The following CD8B variants were observed in gnomAD, a reference collection of about 807,000 sequenced individuals.
CD8B encodes T-cell surface glycoprotein CD8 beta chain.
CD8B carries 6 observed loss-of-function variants against 24.2 expected under a neutral mutation model. The observed-to-expected ratio is 0.25, with a 90% CI of 0.14 to 0.49. CD8B has a LOEUF of 0.49. Ranked by LOEUF, CD8B falls within the 20% of genes least tolerant of loss-of-function variation. The pLI, the probability that CD8B is intolerant of heterozygous loss-of-function variation, is 0.98. For missense variants in CD8B, 196 were observed against 271.3 expected, an observed-to-expected ratio of 0.72 and a Z score of 1.95; for synonymous variants, 84 against 108.3, an observed-to-expected ratio of 0.78 and a Z score of 1.39.
In CD8B at chr2:86,839,436, CAA is replaced by C. The variant is rs1675315545; in HGVS notation, c.*2869_*2870del. 1.3e-5 allele frequency among the ~76,000 whole-genome samples: 2 copies of C among 152,214 alleles called. No homozygotes were observed. The highest frequency in any genetic ancestry group is 4.8e-5 in the African/African-American group (2 of 41,452). ...AATGCCAACAAGTGGAATTGCTAGT[CAA>C]AAGATAGCTGGATGGAGTTTGGGGG... On this transcript the variant is annotated 3_prime_UTR_variant, in exon 6 of 6. Transcript: ENST00000390655.
rs1014292166 is a variant in CD8B, at chr2:86,838,485, A to C, written c.*3822T>G. 1.4e-5 allele frequency among the ~76,000 whole-genome samples: 2 copies of C among 145,880 alleles called. No individual in the cohort carries two copies. Among genetic ancestry groups the C allele is most frequent in the African/African-American group, 4.9e-5 (2 of 40,418 alleles). On this transcript the variant is annotated 3_prime_UTR_variant, in exon 6 of 6. Coordinates refer to ENST00000390655, the MANE Select transcript of CD8B (RefSeq NM_004931.5). Reference sequence around the variant, plus strand: ...TTTAAAAAATATGGGAAGAAAAAAAAACAAGAAACTTTTTAGAAAAAATTT... The same window carrying C: ...TTTAAAAAATATGGGAAGAAAAAAACACAAGAAACTTTTTAGAAAAAATTT...
chr2:86,831,434 G>A (rs1040046191), intron 5 of CD8B, among the ~76,000 whole-genome samples: 2 of 152,194 alleles, frequency 1.3e-5, no homozygotes, highest in African/African-American at 4.8e-5. Flanking sequence ...TGTTCAAATG[G>A]AGTCTATTCA....
At chr2:86,825,987 G>A (rs1259596742) in intron 5 of CD8B, among the ~76,000 whole-genome samples, 2 of 152,094 alleles carry the variant, frequency 1.3e-5, no homozygotes, top group Admixed American at 1.3e-4. Flanking sequence ...GGAGCTCTCG[G>A]GGGGAAAACA....
At chr2:86,821,803 C>A in intron 5 of CD8B, 2 of 382,688 alleles carry the variant, frequency 5.2e-6, no homozygotes, top group Non-Finnish European at 5.6e-6. Context: ...CCGTCCTCTC[C>A]AAAGGGAATG....
Position 86,823,729 on chromosome 2 carries a change from C to T in CD8B, c.621-8011G>A, listed in dbSNP as rs551404746. Reference sequence around the variant, plus strand: ...ACTGTTCGAGGCAGGGTTTAAGAAACGCTCAAGAAGCACATGTGGTCTCTC... The same window carrying T: ...ACTGTTCGAGGCAGGGTTTAAGAAATGCTCAAGAAGCACATGTGGTCTCTC... On this transcript the variant is annotated intron_variant, in intron 5 of 5. Transcript: ENST00000331469. 9.1e-4 allele frequency among the ~76,000 whole-genome samples: 138 copies of T among 152,300 alleles called. 1 individual carries two copies. The highest frequency in any genetic ancestry group is 1.8e-3 in the Admixed American group (28 of 15,304).
chr2:86,823,017 TC>T (rs1674537374), intron 5 of CD8B, among the ~76,000 whole-genome samples: 1 of 152,194 alleles, frequency 6.6e-6, no homozygotes, highest in Non-Finnish European at 1.5e-5. Context: ...AAGTATACAC[TC>T]CACTGGCATT....
chr2:86,832,221 G>A (rs931896456), intron 5 of CD8B, among the ~76,000 whole-genome samples: 1 of 152,232 alleles, frequency 6.6e-6, no homozygotes, highest in African/African-American at 2.4e-5. Flanking sequence ...GCTCACGCCT[G>A]TAATCCCAGC....
downstream of CD8B, among the ~76,000 whole-genome samples, chr2:86,833,407 T>A (rs1489604841): frequency 3.3e-5 from 5 of 151,392 alleles, no homozygotes; most frequent in African/African-American, 9.7e-5. Flanking sequence ...CTCAAGCTCC[T>A]GACCTCAGGT....
chr2:86,818,053 T>G (rs1558745711), intron 5 of CD8B, among the ~76,000 whole-genome samples: 1 of 151,776 alleles, frequency 6.6e-6, no homozygotes, highest in African/African-American at 2.4e-5. Flanking sequence ...CTACTAAAAA[T>G]ATAAAAATTA....
chr2:86,842,866 A>C (rs899476062), intron 5 of CD8B, among the ~76,000 whole-genome samples: 3 of 152,296 alleles, frequency 2.0e-5, no homozygotes, highest in East Asian at 1.9e-4. Flanking sequence ...GAAGAGAGTG[A>C]GGAGGTCTCA....
chr2:86,856,709 G>A (rs1465877091), intron 2 of CD8B, among the ~76,000 whole-genome samples: 2 of 151,804 alleles, frequency 1.3e-5, no homozygotes, highest in Non-Finnish European at 2.9e-5. Flanking sequence ...GAGCCAGGCT[G>A]TGAGAGTTAC....
chr2:86,829,667 C>G (rs1052635812), intron 5 of CD8B, among the ~76,000 whole-genome samples: 10 of 152,176 alleles, frequency 6.6e-5, no homozygotes, highest in Non-Finnish European at 1.0e-4. Context: ...AGCATAAACG[C>G]TACCCTGTAA....
Position 86,838,548 on chromosome 2 carries a change from G to T in CD8B, c.*3759C>A, listed in dbSNP as rs980014267. On this transcript the variant is annotated 3_prime_UTR_variant, in exon 6 of 6. Transcript: ENST00000390655. Reference sequence around the variant, plus strand: ...AGGTCTGTCTGTGTTGCCCAGGCTGGAGTGCAGTGGCGTGATCACAGCTCA... The same window carrying T: ...AGGTCTGTCTGTGTTGCCCAGGCTGTAGTGCAGTGGCGTGATCACAGCTCA... Among the ~76,000 whole-genome samples, 2 of 152,158 alleles carry T rather than the reference G, an allele frequency of 1.3e-5. No homozygotes were observed. Among genetic ancestry groups the T allele is most frequent in the Non-Finnish European group, 2.9e-5 (2 of 68,022 alleles).
chr2:86,835,774 A>G (rs1675152273), downstream of CD8B, among the ~76,000 whole-genome samples: 2 of 148,462 alleles, frequency 1.3e-5, no homozygotes, highest in Non-Finnish European at 3.0e-5. Context: ...CCAGCCAAAC[A>G]TAACTTTTTT....
At chr2:86,831,230 G>T (rs1297494712) in intron 5 of CD8B, among the ~76,000 whole-genome samples, 2 of 152,074 alleles carry the variant, frequency 1.3e-5, no homozygotes, top group African/African-American at 4.8e-5. Flanking sequence ...CATCATGCCC[G>T]GCTAATTTTT....
Position 86,848,709 on chromosome 2 carries a change from T to A in CD8B, c.494-1936A>T, listed in dbSNP as rs866055446. 1.6e-3 allele frequency among the ~76,000 whole-genome samples: 124 copies of A among 78,268 alleles called. 2 individuals are homozygous for A. The highest frequency in any genetic ancestry group is 2.7e-3 in the African/African-American group (38 of 14,178). 51.3% of individuals were successfully genotyped at this position (78,268 alleles called of 152,430 possible). ...GGTATTGGTATTTTTAAATTATTTA[T>A]TTATTTATTTATTTATTTATTTTTG... On this transcript the variant is annotated intron_variant, in intron 3 of 5. Coordinates refer to ENST00000390655, the MANE Select transcript of CD8B (RefSeq NM_004931.5).
At chr2:86,846,430 G>C (rs1161433993) in intron 4 of CD8B, among the ~76,000 whole-genome samples, 1 of 152,160 alleles carries the variant, frequency 6.6e-6, no homozygotes, top group Non-Finnish European at 1.5e-5. Context: ...GAGGCTCAGA[G>C]AGACCGGGGC....
At chr2:86,821,737 G>C (rs781277748) in intron 5 of CD8B, 1 of 439,512 alleles carries the variant, frequency 2.3e-6, no homozygotes, top group Admixed American at 2.4e-5. Context: ...TCCGAAAATC[G>C]CAGTTTCACT....
chr2:86,853,178 C>G lies in CD8B; in HGVS notation c.404-92G>C, dbSNP rs1213219695. ...TTGTCTTATGGCGGGTGCGGTGGCT[C>G]ATGCCTGGAATCCCAACACTTCCGG... On this transcript the variant is annotated intron_variant, in intron 2 of 5. Coordinates refer to ENST00000390655, the MANE Select transcript of CD8B (RefSeq NM_004931.5). The G allele has an allele frequency of 2.6e-6, 4 of 1,543,626 alleles. No homozygotes were observed. The African/African-American group carries it at 5.5e-5, about 21-fold the overall frequency.
Sources: gnomAD v4.1 joint callset for allele counts (sites outside exome capture counted in the v4.1 genomes callset) on GRCh38, gnomAD v4.1.1 for gene constraint, MANE v1.5 for transcripts, NCBI Gene and HGNC (gene_info 2026-07-23, HGNC 2026-07-21) for gene names.